The following SH3BGRL variants were observed in gnomAD, a reference collection of about 807,000 sequenced individuals.
SH3BGRL encodes the protein SH3 domain binding glutamate rich protein like, also known as adapter SH3BGRL.
In SH3BGRL, 7 loss-of-function variants were observed where a neutral mutation model predicts 9.8. That is an observed-to-expected ratio of 0.72 (90% CI 0.41 to 1.35). The LOEUF is 1.35. Among genes scored for constraint, SH3BGRL ranks in the 40% most tolerant of loss-of-function variants. SH3BGRL has a pLI of 0.01. For missense variants in SH3BGRL, 73 were observed against 84.4 expected (o/e 0.86, Z 0.53); for synonymous variants, 36 against 29.1 (o/e 1.24, Z -0.76).
chrX:81,256,321 G>A (rs371670983), intron 1 of SH3BGRL, among the ~76,000 whole-genome samples: 21 of 112,057 alleles, frequency 1.9e-4, no homozygotes, highest in African/African-American at 6.5e-4. Context: ...CAATTTGGCA[G>A]GATGTTCTTT....
chrX:81,285,901 T>G (rs992376284), intron 3 of SH3BGRL, among the ~76,000 whole-genome samples: 4 of 111,823 alleles, frequency 3.6e-5, no homozygotes, highest in Non-Finnish European at 5.7e-5. Context: ...AATATGCATT[T>G]TCTCCTATTC....
intron 1 of SH3BGRL, among the ~76,000 whole-genome samples, chrX:81,251,204 T>G (rs779234197): frequency 8.9e-6 from 1 of 112,195 alleles, no homozygotes; most frequent in East Asian, 2.8e-4. Context: ...ATTTCAGTTC[T>G]AGACTTGAAT....
In SH3BGRL at chrX:81,211,245, A is replaced by T. The variant is rs777590811; in HGVS notation, c.45+9000A>T. Among the ~76,000 whole-genome samples, 7 of 111,811 alleles carry T rather than the reference A, an allele frequency of 6.3e-5. No homozygotes were observed. The East Asian group carries it at 1.7e-3, about 27-fold the overall frequency. ...TCAACTTGATTGGATTGAGGGATAC[A>T]AAGTATTAATCCTGGGTACTGTCTG... On this transcript the variant is annotated intron_variant, in intron 1 of 3. Coordinates refer to ENST00000373212, the MANE Select transcript of SH3BGRL (RefSeq NM_003022.3).
chrX:81,205,037 C>T (rs1451199039), intron 1 of SH3BGRL, among the ~76,000 whole-genome samples: 1 of 112,085 alleles, frequency 8.9e-6, no homozygotes, highest in Non-Finnish European at 1.9e-5. Flanking sequence ...TTAGGATATC[C>T]GTTACCGCAA....
intron 1 of SH3BGRL, among the ~76,000 whole-genome samples, chrX:81,223,095 T>C (rs2056988292): frequency 9.0e-6 from 1 of 111,652 alleles, no homozygotes; most frequent in African/African-American, 3.3e-5. Context: ...GATGAGTAGA[T>C]TGCAAAAATT....
At chrX:81,242,618 A>G (rs1245909674) in intron 1 of SH3BGRL, among the ~76,000 whole-genome samples, 7 of 111,872 alleles carry the variant, frequency 6.3e-5, no homozygotes, top group African/African-American at 2.3e-4. Flanking sequence ...GGAACAATCA[A>G]CAAAGTGAAG....
At chrX:81,235,341 A>G (rs771469121) in intron 1 of SH3BGRL, among the ~76,000 whole-genome samples, 2 of 110,785 alleles carry the variant, frequency 1.8e-5, no homozygotes, top group South Asian at 7.8e-4. Flanking sequence ...AGGTCTTACA[A>G]CCCAGAGTTT....
chrX:81,249,276 C>T (rs1248020536), intron 1 of SH3BGRL, among the ~76,000 whole-genome samples: 1 of 112,267 alleles, frequency 8.9e-6, no homozygotes, highest in Non-Finnish European at 1.9e-5. Context: ...AACCAATGGA[C>T]CAGTAAATCT....
At chrX:81,264,915 A>G (rs1432790945) in intron 1 of SH3BGRL, among the ~76,000 whole-genome samples, 2 of 111,291 alleles carry the variant, frequency 1.8e-5, no homozygotes, top group Admixed American at 1.9e-4. Flanking sequence ...ACAGATAGTA[A>G]TTCCAGATAA....
chrX:81,262,977 A>C (rs12842228), intron 1 of SH3BGRL, among the ~76,000 whole-genome samples: 14,403 of 110,925 alleles, frequency 0.13, 825 homozygotes, highest in Non-Finnish European at 0.18. Context: ...AACTGAAGAG[A>C]TGTGACTTTG....
chrX:81,266,091 G>T (rs781624419), intron 1 of SH3BGRL, among the ~76,000 whole-genome samples: 1 of 111,696 alleles, frequency 9.0e-6, no homozygotes, highest in East Asian at 2.8e-4. Context: ...GAAGATTCTG[G>T]GTATTAGTCC....
chrX:81,218,015 C>CT (rs1348467208), intron 1 of SH3BGRL, among the ~76,000 whole-genome samples: 2 of 110,722 alleles, frequency 1.8e-5, no homozygotes, highest in African/African-American at 3.3e-5. Flanking sequence ...CCCTCTTTGT[C>CT]TTTTTTCACT....
intron 1 of SH3BGRL, among the ~76,000 whole-genome samples, chrX:81,256,439 A>G (rs919344989): frequency 8.0e-5 from 9 of 112,054 alleles, no homozygotes; most frequent in African/African-American, 2.9e-4. Flanking sequence ...TTTATGGATC[A>G]TTATCAAGAT....
intron 3 of SH3BGRL, among the ~76,000 whole-genome samples, chrX:81,296,324 C>T (rs1413928823): frequency 9.0e-6 from 1 of 111,426 alleles, no homozygotes; most frequent in Admixed American, 9.5e-5. Flanking sequence ...GGACACAGAG[C>T]CAAACCATAT....
chrX:81,245,619 A>C (rs1602608916), intron 1 of SH3BGRL, among the ~76,000 whole-genome samples: 1 of 111,853 alleles, frequency 8.9e-6, no homozygotes, highest in East Asian at 2.8e-4. Context: ...AAAACATCTT[A>C]ACTTGTAGAG....
chrX:81,208,579 A>C (rs5959843), intron 1 of SH3BGRL, among the ~76,000 whole-genome samples: 1,391 of 112,474 alleles, frequency 0.012, 29 homozygotes, highest in African/African-American at 0.043. Flanking sequence ...TTAAGAGAGA[A>C]GCTGCTGGTT....
intron 3 of SH3BGRL, among the ~76,000 whole-genome samples, chrX:81,295,125 A>G (rs2075870238): frequency 8.9e-6 from 1 of 111,964 alleles, no homozygotes; most frequent in Non-Finnish European, 1.9e-5. Context: ...TTTTGGTTTA[A>G]TGCTGAAATG....
chrX:81,217,780 A>G (rs2075585715), intron 1 of SH3BGRL, among the ~76,000 whole-genome samples: 1 of 111,243 alleles, frequency 9.0e-6, no homozygotes, highest in Admixed American at 9.6e-5. Context: ...GTTCTAGGGT[A>G]CACTTTAAGT....
At chrX:81,227,549 A>G (rs150949039) in intron 1 of SH3BGRL, among the ~76,000 whole-genome samples, 1,698 of 111,332 alleles carry the variant, frequency 0.015, 41 homozygotes, top group African/African-American at 0.053. Context: ...TTCCTAGCCT[A>G]AAGGAAATCA....
Sources: gnomAD v4.1 joint callset for allele counts (sites outside exome capture counted in the v4.1 genomes callset) on GRCh38, gnomAD v4.1.1 for gene constraint, MANE v1.5 for transcripts, NCBI Gene and HGNC (gene_info 2026-07-23, HGNC 2026-07-21) for gene names.